Variants in ABCA9 observed in about 807,000 individuals in gnomAD.
ABCA9 encodes ATP binding cassette subfamily A member 9, also known as ATP-binding cassette sub-family A member 9.
Under a neutral mutation model 205.3 loss-of-function variants are expected in ABCA9, and 183 were observed. That is an observed-to-expected ratio of 0.89 (90% CI 0.79 to 1.01). The LOEUF (loss-of-function observed/expected upper bound fraction) is 1.01. ABCA9 is among the 50% of genes least tolerant of loss of function. The probability of loss-of-function intolerance (pLI) is 0.00; values close to 1 mark genes in which losing one functional copy is unlikely to be tolerated. For missense variants in ABCA9, 1,805 were observed against 1,912.4 expected (o/e 0.94, Z 1.05); for synonymous variants, 651 against 683.3 (o/e 0.95, Z 0.74).
At chr17:69,057,119 A>G (rs1179586505) in intron 1 of ABCA9, among the ~76,000 whole-genome samples, 1 of 152,196 alleles carries the variant, frequency 6.6e-6, no homozygotes. Flanking sequence ...AGAGCACCCA[A>G]ACTAATCTTC....
At chr17:69,012,107 A>C in intron 22 of ABCA9, 24 bp from the exon 23 acceptor site, 1 of 1,526,506 alleles carries the variant, frequency 6.6e-7, no homozygotes, top group Non-Finnish European at 9.0e-7. Context: ...GAACATGGTG[A>C]GCTGATGGCG....
intron 25 of ABCA9, among the ~76,000 whole-genome samples, chr17:69,000,019 G>T (rs2069789590): frequency 6.6e-6 from 1 of 152,102 alleles, no homozygotes; most frequent in Admixed American, 6.5e-5. Flanking sequence ...GTAGATTCTG[G>T]ATATTAGCCC....
intron 35 of ABCA9, 58 bp from the exon 36 acceptor site, chr17:68,983,907 A>G (rs2069143051): frequency 6.2e-7 from 1 of 1,610,890 alleles, no homozygotes; most frequent in Middle Eastern, 1.7e-4. Flanking sequence ...ATGGCTTGTG[A>G]TGTTCAGCCT....
Position 68,974,711 on chromosome 17 carries a change from A to T in ABCA9, c.*1204T>A, listed in dbSNP as rs915374622. On this transcript the variant is annotated 3_prime_UTR_variant, in exon 39 of 39. Coordinates refer to ENST00000340001, the MANE Select transcript of ABCA9 (RefSeq NM_080283.4). ...CATAATAATATATAGAGATATGGGA[A>T]ATTAAGACCTATGAAGTTTTAATTA... 7 of 152,302 alleles carry T rather than the reference A, an allele frequency of 4.6e-5. No individual in the cohort carries two copies. The highest frequency in any genetic ancestry group is 1.7e-4 in the African/African-American group (7 of 41,562). 9.4% of individuals were successfully genotyped at this position (152,302 alleles called of 1,614,324 possible). A position where few individuals can be genotyped will look rare whatever the true frequency, so the allele number is the denominator to read the frequency against.
intron 20 of ABCA9, chr17:69,018,203 A>C (rs2070695203): frequency 2.2e-6 from 1 of 463,694 alleles, no homozygotes; most frequent in African/African-American, 2.0e-5. Context: ...TTGTGCAACA[A>C]ACATTAAGGT....
At chr17:69,065,732 T>C (rs559751575), upstream of ABCA9, among the ~76,000 whole-genome samples, 1 of 152,302 alleles carries the variant, frequency 6.6e-6, no homozygotes, top group Non-Finnish European at 1.5e-5. Context: ...CCTTCCTTGC[T>C]GATACAGTTT....
Position 68,983,830 on chromosome 17 carries a change from G to A in ABCA9, c.4519C>T (p.His1507Tyr), listed in dbSNP as rs1401931896. ...GRLRCIGSIQ[H>Y]LKSKFGKDYL... is the part of the protein sequence containing the mutation. Reference sequence around the variant, plus strand: ...TCTTTGCCAAATTTGCTTTTCAGGTGTTGGATGGAACCAATACATCTGAAG... The same window carrying A: ...TCTTTGCCAAATTTGCTTTTCAGGTATTGGATGGAACCAATACATCTGAAG... The change falls in exon 36 of 39, where the codon CAC becomes TAC. Residue 1507 changes from histidine to tyrosine, a missense_variant. Coordinates refer to ENST00000340001, the MANE Select transcript of ABCA9 (RefSeq NM_080283.4). The A allele has an allele frequency of 1.9e-6, 3 of 1,614,176 alleles. No individual in the cohort carries two copies. Among genetic ancestry groups the A allele is most frequent in the South Asian group, 1.1e-5 (1 of 91,088 alleles).
intron 3 of ABCA9, among the ~76,000 whole-genome samples, chr17:69,045,728 GGAGA>G (rs1383567111): frequency 2.6e-5 from 4 of 152,136 alleles, no homozygotes; most frequent in Non-Finnish European, 5.9e-5. Context: ...CAGGGAGGCA[GGAGA>G]GAGAATGAGT....
intron 12 of ABCA9, 35 bp from the exon 13 acceptor site, chr17:69,027,850 A>G (rs1428551527): frequency 6.7e-7 from 1 of 1,498,180 alleles, no homozygotes; most frequent in Non-Finnish European, 9.1e-7. Context: ...CCATCAGGAA[A>G]ATGTGTCATG....
At chr17:69,065,058 T>A (rs2072332494), upstream of ABCA9, among the ~76,000 whole-genome samples, 1 of 152,190 alleles carries the variant, frequency 6.6e-6, no homozygotes, top group South Asian at 2.1e-4. Flanking sequence ...AGTTTGAGGT[T>A]TTTTTGTTTT....
intron 1 of ABCA9, 120 bp from the exon 2 acceptor site, chr17:69,051,259 G>A (rs923114910): frequency 2.0e-5 from 16 of 817,560 alleles, no homozygotes; most frequent in African/African-American, 3.5e-5. Context: ...TGGAGAAGAA[G>A]AAAGCCAAAA....
At chr17:69,033,665 GTTGTT>G in intron 9 of ABCA9, 56 bp downstream of exon 9, 3 of 1,392,164 alleles carry the variant, frequency 2.2e-6, no homozygotes, top group Non-Finnish European at 2.0e-6. Context: ...ACATTGTAGA[GTTGTT>G]TTAAAGACAT....
At chr17:69,007,380 G>A (rs151122357) in intron 25 of ABCA9, among the ~76,000 whole-genome samples, 30 of 152,172 alleles carry the variant, frequency 2.0e-4, no homozygotes, top group African/African-American at 6.7e-4. Flanking sequence ...CAGCCTGGGC[G>A]ACAGAGCGAG....
intron 3 of ABCA9, 106 bp downstream of exon 3, chr17:69,049,177 A>G: frequency 8.0e-7 from 1 of 1,243,730 alleles, no homozygotes; most frequent in Non-Finnish European, 1.1e-6. Flanking sequence ...TGTTGTTAAT[A>G]AACTCTAGAA....
At chr17:68,994,491 G>A (rs1006721361) in intron 26 of ABCA9, among the ~76,000 whole-genome samples, 2 of 152,066 alleles carry the variant, frequency 1.3e-5, no homozygotes, top group Non-Finnish European at 2.9e-5. Flanking sequence ...TGCTGACTTC[G>A]CTGAAAAGTA....
the ABCA9 span, among the ~76,000 whole-genome samples, chr17:69,075,689 T>C: frequency 3.1e-4 from 47 of 152,282 alleles, no homozygotes; most frequent in African/African-American, 1.1e-3. Flanking sequence ...CCTCCAGCTT[T>C]GTTCTTTTTG....
chr17:69,044,027 A>C (rs1427907483), intron 5 of ABCA9, among the ~76,000 whole-genome samples: 1 of 152,072 alleles, frequency 6.6e-6, no homozygotes, highest in Non-Finnish European at 1.5e-5. Context: ...CTAGTACACC[A>C]TTTTAAATTC....
rs113634139 is a variant in ABCA9 at position 69,011,577 on chromosome 17, A to G, written c.3147+399T>C. ...ACAAAAATGGAGCTTTAAATGGACA[A>G]TATTTTCCAACAACAAGTCAAAGTG... is the stretch of plus-strand genomic sequence containing the variant. On this transcript the variant is annotated intron_variant, in intron 23 of 38. Transcript: ENST00000340001. Among the ~76,000 whole-genome samples the G allele has an allele frequency of 1.9e-3, 292 of 152,288 alleles. 3 individuals carry two copies. Among genetic ancestry groups the G allele is most frequent in the African/African-American group, 6.7e-3 (279 of 41,564 alleles).
At chr17:69,055,061 G>GA (rs1307167138) in intron 1 of ABCA9, among the ~76,000 whole-genome samples, 2 of 152,174 alleles carry the variant, frequency 1.3e-5, no homozygotes, top group Admixed American at 6.5e-5. Flanking sequence ...ACAAAAGGCA[G>GA]AAAAAATGTA....
Sources: allele counts gnomAD v4.1 joint callset (sites outside exome capture counted in the v4.1 genomes callset), GRCh38; gene constraint gnomAD v4.1.1; transcripts MANE v1.5; gene names NCBI Gene and HGNC (gene_info 2026-07-23, HGNC 2026-07-21).